RALGPS1: variants seen among roughly 807,000 people sequenced by gnomAD.
RALGPS1 encodes the protein Ral GEF with PH domain and SH3 binding motif 1.
Under a neutral mutation model 78.8 loss-of-function variants are expected in RALGPS1, and 19 were observed. The ratio of observed to expected loss-of-function variants is 0.24; its 90% CI spans 0.17 to 0.35. The LOEUF is 0.35. RALGPS1 is among the 10% of genes least tolerant of loss of function. RALGPS1 has a pLI of 1.00. For missense variants in RALGPS1, 454 were observed against 688.3 expected, an observed-to-expected ratio of 0.66 and a Z score of 3.81; for synonymous variants, 228 against 256.3, an observed-to-expected ratio of 0.89 and a Z score of 1.06.
At chr9:127,147,444 C>A (rs1352485381) in intron 8 of RALGPS1, among the ~76,000 whole-genome samples, 3 of 152,172 alleles carry the variant, frequency 2.0e-5, no homozygotes, top group African/African-American at 7.2e-5. Context: ...GCCAAAAATT[C>A]TTTGCCAAGG....
intron 9 of RALGPS1, 40 bp downstream of exon 9, chr9:127,166,246 A>T (rs1445484159): frequency 1.3e-5 from 21 of 1,606,868 alleles, no homozygotes; most frequent in Non-Finnish European, 1.6e-5. Context: ...ATCTTACGTC[A>T]TTGAAATTTG....
intron 7 of RALGPS1, among the ~76,000 whole-genome samples, chr9:127,059,163 C>T (rs889847893): frequency 6.6e-6 from 1 of 152,214 alleles, no homozygotes; most frequent in African/African-American, 2.4e-5. Flanking sequence ...AGTCTTTCAT[C>T]CAGGAAGTGC....
intron 4 of RALGPS1, among the ~76,000 whole-genome samples, chr9:126,980,411 A>T (rs774360264): frequency 2.0e-5 from 3 of 152,278 alleles, no homozygotes; most frequent in Middle Eastern, 3.4e-3. Flanking sequence ...GGAATTCTTT[A>T]AAAAAATTAC....
intron 8 of RALGPS1, among the ~76,000 whole-genome samples, chr9:127,115,977 C>G (rs945165153): frequency 6.6e-6 from 1 of 152,224 alleles, no homozygotes; most frequent in South Asian, 2.1e-4. Context: ...TGATTCCCCA[C>G]CAGAAGGCAC....
intron 4 of RALGPS1, among the ~76,000 whole-genome samples, chr9:127,030,802 A>C (rs948814300): frequency 4.6e-5 from 7 of 152,136 alleles, no homozygotes; most frequent in African/African-American, 1.7e-4. Context: ...GAAGAGAGCG[A>C]AAGAAGCCCC....
At chr9:126,958,158 T>TATATATATATATATATATATACAC (rs1345241110) in intron 1 of RALGPS1, among the ~76,000 whole-genome samples, 4 of 121,060 alleles carry the variant, frequency 3.3e-5, no homozygotes, top group Non-Finnish European at 5.2e-5. Flanking sequence ...TATATATATA[T>TATATATATATATATATATATACAC]ACACACACAC....
intron 11 of RALGPS1, chr9:127,178,041 CAGGG>C: frequency 6.7e-7 from 1 of 1,492,850 alleles, no homozygotes; most frequent in Middle Eastern, 1.7e-4. Context: ...TGGGCCGGCC[CAGGG>C]TCCTGGGGAG....
chr9:127,073,747 G>A (rs1279685730), intron 8 of RALGPS1, among the ~76,000 whole-genome samples: 2 of 151,988 alleles, frequency 1.3e-5, no homozygotes, highest in East Asian at 1.9e-4. Context: ...CCACATTCTT[G>A]CCAGCATGTT....
At chr9:127,020,385 A>T (rs2045328178) in intron 4 of RALGPS1, among the ~76,000 whole-genome samples, 1 of 152,252 alleles carries the variant, frequency 6.6e-6, no homozygotes, top group Admixed American at 6.5e-5. Flanking sequence ...ACCCTGCAGC[A>T]CATGAGGATC....
chr9:126,982,469 A>G (rs920045147), intron 4 of RALGPS1, among the ~76,000 whole-genome samples: 2 of 152,258 alleles, frequency 1.3e-5, no homozygotes, highest in Non-Finnish European at 2.9e-5. Context: ...GATAATGCAT[A>G]TAGAGTACTT....
At chr9:127,120,007 A>T (rs1231137665) in intron 8 of RALGPS1, among the ~76,000 whole-genome samples, 4 of 152,188 alleles carry the variant, frequency 2.6e-5, no homozygotes, top group African/African-American at 9.7e-5. Flanking sequence ...AGCCCACTGG[A>T]ACCTCAGGGG....
intron 8 of RALGPS1, among the ~76,000 whole-genome samples, chr9:127,086,023 G>C (rs546203549): frequency 6.6e-6 from 1 of 152,170 alleles, no homozygotes; most frequent in Non-Finnish European, 1.5e-5. Flanking sequence ...CCAGCAGTCT[G>C]ACTTCAAGCC....
intron 7 of RALGPS1, among the ~76,000 whole-genome samples, chr9:127,054,996 T>TGAGAGAGAGAGAGA (rs10555826): frequency 6.5e-4 from 90 of 139,196 alleles, no homozygotes; most frequent in Non-Finnish European, 8.3e-4. Flanking sequence ...AGAGATTGAT[T>TGAGAGAGAGAGAGA]GAGAGAGAGA....
At chr9:127,105,540 C>T (rs1007618046) in intron 8 of RALGPS1, among the ~76,000 whole-genome samples, 2 of 152,322 alleles carry the variant, frequency 1.3e-5, no homozygotes, top group South Asian at 4.1e-4. Context: ...AGAAGTGCCA[C>T]GTCTATCTAA....
At chr9:127,018,920 A>G (rs1163012925) in intron 4 of RALGPS1, among the ~76,000 whole-genome samples, 1 of 152,174 alleles carries the variant, frequency 6.6e-6, no homozygotes, top group Non-Finnish European at 1.5e-5. Flanking sequence ...CCACTGTTGT[A>G]TATGTGGTCC....
intron 8 of RALGPS1, chr9:127,108,792 C>G (rs1467663831): frequency 1.3e-6 from 2 of 1,506,906 alleles, no homozygotes; most frequent in Non-Finnish European, 1.8e-6. Flanking sequence ...TGAAAGTAAA[C>G]AGAGGGGAGA....
chr9:127,041,031 T>TTGTG (rs58541875), intron 5 of RALGPS1, among the ~76,000 whole-genome samples: 16,328 of 135,706 alleles, frequency 0.12, 1,014 homozygotes, highest in Middle Eastern at 0.14. Flanking sequence ...CTACAAACAT[T>TTGTG]TGTGTGTGTG....
intron 11 of RALGPS1, chr9:127,177,825 C>T: frequency 1.3e-6 from 2 of 1,544,728 alleles, no homozygotes; most frequent in South Asian, 2.4e-5. Flanking sequence ...CCAGCCCTGG[C>T]CCAGCCTCCT....
chr9:127,026,040 A>G (rs2045934358), intron 4 of RALGPS1, among the ~76,000 whole-genome samples: 1 of 152,148 alleles, frequency 6.6e-6, no homozygotes, highest in African/African-American at 2.4e-5. Context: ...AGACAGAACT[A>G]ATTTTATCTA....
Sources: allele counts gnomAD v4.1 joint callset (sites outside exome capture counted in the v4.1 genomes callset), GRCh38; gene constraint gnomAD v4.1.1; transcripts MANE v1.5; gene names NCBI Gene and HGNC (gene_info 2026-07-23, HGNC 2026-07-21).